POU2F1: variants seen among roughly 807,000 people sequenced by gnomAD.
POU2F1 encodes POU domain, class 2, transcription factor 1.
POU2F1 carries 16 observed loss-of-function variants against 84.9 expected under a neutral mutation model. The ratio of observed to expected loss-of-function variants is 0.19; its 90% CI spans 0.13 to 0.29. POU2F1 has a LOEUF of 0.29. Among genes scored for constraint, POU2F1 ranks in the 10% least tolerant of loss-of-function variants. The pLI is 1.00. For synonymous variants in POU2F1, 368 were observed against 368.3 expected (o/e 1.00, Z 0.01); for missense variants, 738 against 942.6 (o/e 0.78, Z 2.84).
At position 167,411,842 on chromosome 1, in the gene POU2F1, A is replaced by G. The variant is rs1649986128; in HGVS notation, c.1556-117A>G. On this transcript the variant is annotated intron_variant, in intron 13 of 15. Transcript: ENST00000367866. ...GCACTAAACTAGGTTATTAAAGGAC[A>G]GCTTTACTAGGTGGTAGGTTAATTA... The G allele has an allele frequency of 4.3e-6, 4 of 932,598 alleles. No homozygotes were observed. The South Asian group carries it at 7.2e-5, about 17-fold the overall frequency. The allele number at this position is 932,598 out of a possible 1,614,324, so 57.8% of individuals were successfully genotyped here.
intron 1 of POU2F1, among the ~76,000 whole-genome samples, chr1:167,267,630 CTTTTTTTTTT>C (rs71073658): frequency 1.7e-4 from 12 of 70,464 alleles, no homozygotes; most frequent in Middle Eastern, 0.021. Context: ...GTTACTGTGT[CTTTTTTTTTT>C]TTTTTTTTTT....
intron 1 of POU2F1, among the ~76,000 whole-genome samples, chr1:167,314,473 C>CAA (rs1655736882): frequency 6.6e-6 from 1 of 152,094 alleles, no homozygotes; most frequent in African/African-American, 2.4e-5. Flanking sequence ...AAATATCTGA[C>CAA]AATTTCTTAA....
At chr1:167,305,017 A>G (rs1222799723) in intron 1 of POU2F1, among the ~76,000 whole-genome samples, 1 of 152,186 alleles carries the variant, frequency 6.6e-6, no homozygotes, top group Non-Finnish European at 1.5e-5. Flanking sequence ...AAAAGTGTAG[A>G]GAAAATCTCT....
chr1:167,386,708 G>T (rs1051634272), intron 8 of POU2F1, among the ~76,000 whole-genome samples: 3 of 152,126 alleles, frequency 2.0e-5, no homozygotes, highest in African/African-American at 7.2e-5. Context: ...AAAAAGAAAC[G>T]TGCTTCTGAT....
intron 1 of POU2F1, among the ~76,000 whole-genome samples, chr1:167,269,332 T>C (rs1244590905): frequency 6.6e-6 from 1 of 152,244 alleles, no homozygotes; most frequent in Non-Finnish European, 1.5e-5. Context: ...GTTCTAGGTA[T>C]TTGCCTACTG....
At chr1:167,380,227 T>G (rs545790071) in intron 7 of POU2F1, 2 of 152,364 alleles carry the variant, frequency 1.3e-5, no homozygotes, top group East Asian at 1.9e-4. Flanking sequence ...GGCCCCTGTT[T>G]CCTCAACTGT....
intron 2 of POU2F1, among the ~76,000 whole-genome samples, chr1:167,347,203 G>C (rs1450381713): frequency 6.6e-6 from 1 of 152,100 alleles, no homozygotes; most frequent in Non-Finnish European, 1.5e-5. Context: ...TGTGAATAAT[G>C]TATTTTTCCT....
chr1:167,295,618 T>C (rs999609104), intron 1 of POU2F1, among the ~76,000 whole-genome samples: 2 of 152,232 alleles, frequency 1.3e-5, no homozygotes, highest in African/African-American at 4.8e-5. Context: ...TTCACCACTA[T>C]ATAATCCATC....
rs114732318 is a variant in POU2F1, at chr1:167,311,325, A to G, written c.62-21145A>G. 7.0e-3 allele frequency among the ~76,000 whole-genome samples: 1,063 copies of G among 152,310 alleles called. 8 individuals carry two copies. Among genetic ancestry groups the G allele is most frequent in the African/African-American group, 0.024 (1,009 of 41,566 alleles). ...ACCATGCAAGCCAGGAGGCCAAGGC[A>G]TATTTTTCAGGTAGAGAGAGAGCTC... On this transcript the variant is annotated intron_variant, in intron 1 of 15. Coordinates refer to ENST00000367866, the MANE Select transcript of POU2F1 (RefSeq NM_002697.4).
chr1:167,383,252 T>A (rs904533535), intron 7 of POU2F1, among the ~76,000 whole-genome samples: 8 of 152,230 alleles, frequency 5.3e-5, no homozygotes, highest in African/African-American at 1.9e-4. Flanking sequence ...TAAAAAGCCA[T>A]GTATTCAAGT....
intron 12 of POU2F1, among the ~76,000 whole-genome samples, chr1:167,399,887 C>T (rs546553848): frequency 1.3e-5 from 2 of 150,412 alleles, no homozygotes; most frequent in East Asian, 3.9e-4. Context: ...GTTGGCCAGG[C>T]TGGTCTTGAA....
intron 2 of POU2F1, among the ~76,000 whole-genome samples, chr1:167,340,589 G>A (rs1657783384): frequency 6.6e-6 from 1 of 151,406 alleles, no homozygotes; most frequent in South Asian, 2.1e-4. Flanking sequence ...GCGCCCCCAC[G>A]CCCAGCTAAT....
At chr1:167,237,418 C>T (rs990060636) in intron 1 of POU2F1, among the ~76,000 whole-genome samples, 1 of 152,032 alleles carries the variant, frequency 6.6e-6, no homozygotes, top group Non-Finnish European at 1.5e-5. Context: ...CCCTGTTGGT[C>T]TTGTTTGTTG....
chr1:167,266,011 G>A (rs71630395), intron 1 of POU2F1, among the ~76,000 whole-genome samples: 1,911 of 152,322 alleles, frequency 0.013, 17 homozygotes, highest in South Asian at 0.039. Flanking sequence ...GATTAGAATG[G>A]TTGCACTTTT....
chr1:167,262,722 G>T (rs1651663925), intron 1 of POU2F1, among the ~76,000 whole-genome samples: 1 of 152,138 alleles, frequency 6.6e-6, no homozygotes, highest in South Asian at 2.1e-4. Context: ...GCTTAGAGTG[G>T]CAGTAACAAG....
intron 13 of POU2F1, among the ~76,000 whole-genome samples, chr1:167,410,588 T>C (rs1438787235): frequency 6.6e-6 from 1 of 152,178 alleles, no homozygotes; most frequent in Non-Finnish European, 1.5e-5. Flanking sequence ...TCATCTCGGC[T>C]CACTGCAACC....
intron 1 of POU2F1, among the ~76,000 whole-genome samples, chr1:167,302,062 T>G (rs923434384): frequency 3.3e-5 from 5 of 151,958 alleles, no homozygotes; most frequent in Non-Finnish European, 5.9e-5. Context: ...CAAAAACAAC[T>G]CCTTTTATTT....
chr1:167,337,167 AG>A lies in POU2F1; in HGVS notation c.127+4633del, dbSNP rs568389261. 3.7e-3 allele frequency among the ~76,000 whole-genome samples: 539 copies of A among 147,280 alleles called. 26 individuals are homozygous for A. The highest frequency in any genetic ancestry group is 8.5e-3 in the African/African-American group (342 of 40,442). On this transcript the variant is annotated intron_variant, in intron 2 of 15. Transcript: ENST00000367866. Reference sequence around the variant, plus strand: ...AACAAGAGCGAAACTCCATCTCAAAAGAAAAAAAAAAAAGCTAGGTGTAGTG... The same window carrying A: ...AACAAGAGCGAAACTCCATCTCAAAAAAAAAAAAAAAAGCTAGGTGTAGTG...
chr1:167,257,217 G>A (rs558004242), intron 1 of POU2F1, among the ~76,000 whole-genome samples: 119 of 152,226 alleles, frequency 7.8e-4, no homozygotes, highest in African/African-American at 2.8e-3. Flanking sequence ...TCTGACATTG[G>A]CACTACTTTT....
Sources: allele counts gnomAD v4.1 joint callset (sites outside exome capture counted in the v4.1 genomes callset), GRCh38; gene constraint gnomAD v4.1.1; transcripts MANE v1.5; gene names NCBI Gene and HGNC (gene_info 2026-07-23, HGNC 2026-07-21).